TENM3: variants seen among roughly 807,000 people sequenced by gnomAD.
TENM3 encodes teneurin transmembrane protein 3, also known as teneurin-3.
Under a neutral mutation model 255.1 loss-of-function variants are expected in TENM3, and 63 were observed. The observed-to-expected ratio is 0.25, with a 90% CI of 0.20 to 0.30. The LOEUF (loss-of-function observed/expected upper bound fraction) is 0.30, where lower values mean the gene tolerates loss of function less well. Among genes scored for constraint, TENM3 ranks in the 10% least tolerant of loss-of-function variants. TENM3 has a pLI of 1.00. For missense variants in TENM3, 2,929 were observed against 3,461.1 expected (o/e 0.85, Z 3.86); for synonymous variants, 1,306 against 1,322.3 (o/e 0.99, Z 0.27).
rs143333964 is a variant in TENM3 at position 182,247,087 on chromosome 4, T to G, written c.-76+3611T>G. On this transcript the variant is annotated intron_variant, in intron 1 of 27. Coordinates refer to ENST00000511685, the MANE Select transcript of TENM3 (RefSeq NM_001080477.4). ...GCGAAGAACACCAGAAATGGTGTTT[T>G]TGAAGGACAGAAAAATATGAGTCGA... Among the ~76,000 whole-genome samples, 5 of 152,290 alleles carry G rather than the reference T, an allele frequency of 3.3e-5. No individual in the cohort carries two copies. In the East Asian group the frequency reaches 9.7e-4, roughly 29 times the overall value.
At chr4:182,690,518 CACCCGAT>C (rs1756934054) in intron 12 of TENM3, among the ~76,000 whole-genome samples, 1 of 152,116 alleles carries the variant, frequency 6.6e-6, no homozygotes, top group Non-Finnish European at 1.5e-5. Flanking sequence ...GTGACTCCAC[CACCCGAT>C]ACCCGATACA....
chr4:182,324,590 A>C (rs1763272785), intron 2 of TENM3, among the ~76,000 whole-genome samples: 1 of 152,234 alleles, frequency 6.6e-6, no homozygotes, highest in Non-Finnish European at 1.5e-5. Flanking sequence ...TAGTTGAATG[A>C]AGGTGCTCAC....
the TENM3 span, among the ~76,000 whole-genome samples, chr4:181,978,517 C>T: frequency 3.3e-5 from 5 of 151,650 alleles, no homozygotes; most frequent in Admixed American, 6.6e-5. Flanking sequence ...CATGGTGGTG[C>T]GCGCCTGTAA....
Position 182,777,651 on chromosome 4 carries a change from G to A in TENM3, c.5304+2498G>A, listed in dbSNP as rs371611910. Among the ~76,000 whole-genome samples, 37 of 137,840 alleles carry A rather than the reference G, an allele frequency of 2.7e-4. No individual in the cohort carries two copies. The East Asian group carries it at 3.3e-3, about 12-fold the overall frequency. The allele number at this position is 137,840 out of a possible 152,430, so 90.4% of individuals were successfully genotyped here. ...TGGCTCACTGCAACCTCCACCTCCCGGGTTCAATCAACTCTCATACCTCAG... is the reference window on the plus strand; with the variant it reads ...TGGCTCACTGCAACCTCCACCTCCCAGGTTCAATCAACTCTCATACCTCAG... On this transcript the variant is annotated intron_variant, in intron 24 of 27. Coordinates refer to ENST00000511685, the MANE Select transcript of TENM3 (RefSeq NM_001080477.4).
At chr4:182,794,355 CT>C (rs1766335020) in intron 26 of TENM3, among the ~76,000 whole-genome samples, 1 of 152,164 alleles carries the variant, frequency 6.6e-6, no homozygotes, top group African/African-American at 2.4e-5. Context: ...TAGTAACTAC[CT>C]TACGAATGTG....
At chr4:182,241,518 C>CTTTTTTTTTTTTTTTTTTT (rs982739950), upstream of TENM3, among the ~76,000 whole-genome samples, 12 of 114,278 alleles carry the variant, frequency 1.1e-4, no homozygotes, top group African/African-American at 2.3e-4. Context: ...TTTTTTCTTT[C>CTTTTTTTTTTTTTTTTTTT]TTTTTTTTTT....
chr4:181,695,954 C>T, the TENM3 span, among the ~76,000 whole-genome samples: 1 of 151,072 alleles, frequency 6.6e-6, no homozygotes, highest in Non-Finnish European at 1.5e-5. Context: ...GGGGGTAAAA[C>T]AGCACTTCCA....
the TENM3 span, among the ~76,000 whole-genome samples, chr4:181,807,393 G>A: frequency 2.0e-5 from 3 of 151,902 alleles, no homozygotes; most frequent in East Asian, 1.9e-4. Flanking sequence ...CACTCTTGTC[G>A]CCCAGGCTGG....
In TENM3 at chr4:182,482,842, G is replaced by A. The variant is rs569043887; in HGVS notation, c.512-118082G>A. ...ACATATCACAGTGTACTTAAAAGAG[G>A]TCATTAAAATTAAAAAGATCCAAGG... is the stretch of plus-strand genomic sequence containing the variant. On this transcript the variant is annotated intron_variant, in intron 3 of 27. Transcript: ENST00000511685. Among the ~76,000 whole-genome samples the A allele has an allele frequency of 5.9e-5, 9 of 152,242 alleles. No homozygotes were observed. The East Asian group carries it at 1.7e-3, about 29-fold the overall frequency.
chr4:182,129,501 T>C, the TENM3 span, among the ~76,000 whole-genome samples: 1 of 152,090 alleles, frequency 6.6e-6, no homozygotes, highest in Non-Finnish European at 1.5e-5. Context: ...TTATTAAACA[T>C]ATCAGCAGAA....
chr4:182,710,212 C>T (rs556971379), intron 12 of TENM3, among the ~76,000 whole-genome samples: 40 of 152,218 alleles, frequency 2.6e-4, no homozygotes, highest in Admixed American at 5.9e-4. Context: ...AAATACTACC[C>T]TATGAGAATC....
At chr4:182,431,262 G>C (rs1045424155) in intron 3 of TENM3, among the ~76,000 whole-genome samples, 8 of 151,782 alleles carry the variant, frequency 5.3e-5, no homozygotes, top group Non-Finnish European at 1.2e-4. Context: ...TTGGGAGACC[G>C]AGACAGGCGG....
chr4:182,117,224 T>A, the TENM3 span, among the ~76,000 whole-genome samples: 2 of 152,302 alleles, frequency 1.3e-5, no homozygotes, highest in African/African-American at 4.8e-5. Flanking sequence ...TATCTTCTAG[T>A]CTGTGGCTCG....
At chr4:181,470,442 T>C in the TENM3 span, among the ~76,000 whole-genome samples, 2 of 152,168 alleles carry the variant, frequency 1.3e-5, no homozygotes, top group African/African-American at 2.4e-5. Flanking sequence ...TTTCTGTCAC[T>C]GTGGCACAAA....
the TENM3 span, among the ~76,000 whole-genome samples, chr4:181,774,286 G>A: frequency 7.5e-5 from 2 of 26,692 alleles, no homozygotes; most frequent in African/African-American, 1.7e-4. Context: ...TTGTTCTTGC[G>A]ATAGTTTACT....
the TENM3 span, among the ~76,000 whole-genome samples, chr4:181,507,915 A>C: frequency 6.6e-6 from 1 of 152,202 alleles, no homozygotes; most frequent in Middle Eastern, 3.2e-3. Context: ...TCATGCCCCA[A>C]AGAAAAGGCG....
At chr4:181,674,158 A>G in the TENM3 span, among the ~76,000 whole-genome samples, 84,637 of 151,674 alleles carry the variant, frequency 0.56, 24,315 homozygotes, top group Non-Finnish European at 0.63. Flanking sequence ...ATCACACCCA[A>G]CTAATTTCTT....
chr4:182,414,810 T>G (rs1468126549), intron 3 of TENM3, among the ~76,000 whole-genome samples: 1 of 152,142 alleles, frequency 6.6e-6, no homozygotes, highest in Non-Finnish European at 1.5e-5. Flanking sequence ...CACAGACACA[T>G]GCACGTGCAC....
At chr4:182,597,518 T>C (rs891570917) in intron 3 of TENM3, among the ~76,000 whole-genome samples, 4 of 152,208 alleles carry the variant, frequency 2.6e-5, no homozygotes, top group African/African-American at 9.6e-5. Flanking sequence ...ATCTTAAAAA[T>C]ACTCTAAATC....
Sources: allele counts gnomAD v4.1 joint callset (sites outside exome capture counted in the v4.1 genomes callset), GRCh38; gene constraint gnomAD v4.1.1; transcripts MANE v1.5; gene names NCBI Gene and HGNC (gene_info 2026-07-23, HGNC 2026-07-21).